MYO5C: variants seen among roughly 807,000 people sequenced by gnomAD.
MYO5C encodes myosin VC, also known as unconventional myosin-Vc.
In MYO5C, 194 loss-of-function variants were observed where a neutral mutation model predicts 235.7. The ratio of observed to expected loss-of-function variants is 0.82; its 90% CI spans 0.73 to 0.93. The LOEUF (loss-of-function observed/expected upper bound fraction) is 0.93, where lower values mean the gene tolerates loss of function less well. MYO5C is among the 40% of genes least tolerant of loss of function. The probability of loss-of-function intolerance (pLI) is 0.00; values close to 1 mark genes in which losing one functional copy is unlikely to be tolerated. For synonymous variants in MYO5C, 707 were observed against 754.8 expected (o/e 0.94, Z 1.04); for missense variants, 2,038 against 2,127.2 (o/e 0.96, Z 0.82).
At chr15:52,245,094 G>A (rs1244060619) in intron 18 of MYO5C, among the ~76,000 whole-genome samples, 1 of 152,192 alleles carries the variant, frequency 6.6e-6, no homozygotes, top group African/African-American at 2.4e-5. Context: ...CAGAGGACTG[G>A]GTTAGATCGT....
intron 25 of MYO5C, among the ~76,000 whole-genome samples, chr15:52,228,176 G>A (rs1358273145): frequency 6.6e-6 from 1 of 151,494 alleles, no homozygotes; most frequent in Non-Finnish European, 1.5e-5. Flanking sequence ...CGGAGTCTCG[G>A]TCTGTCACCC....
chr15:52,271,025 G>A (rs72734954), intron 7 of MYO5C, among the ~76,000 whole-genome samples: 41 of 152,170 alleles, frequency 2.7e-4, no homozygotes, highest in Non-Finnish European at 5.3e-4. Flanking sequence ...AGCCATCTCT[G>A]GAATATAATT....
intron 35 of MYO5C, among the ~76,000 whole-genome samples, chr15:52,209,461 G>T (rs542580728): frequency 6.6e-6 from 1 of 152,254 alleles, no homozygotes; most frequent in African/African-American, 2.4e-5. Flanking sequence ...GCTGAAGAGG[G>T]TATATGGGCA....
chr15:52,249,213 G>A (rs1476246298), intron 13 of MYO5C, among the ~76,000 whole-genome samples: 2 of 152,160 alleles, frequency 1.3e-5, no homozygotes, highest in African/African-American at 4.8e-5. Flanking sequence ...TAGAAAAACC[G>A]ACCAGCTGAC....
At position 52,271,936 on chromosome 15, in the gene MYO5C, C is replaced by T. The variant is rs1044748818; in HGVS notation, c.751-92G>A. On this transcript the variant is annotated intron_variant, in intron 6 of 40. Coordinates refer to ENST00000261839, the MANE Select transcript of MYO5C (RefSeq NM_018728.4). ...ACTAGAGGGTCCTAGATATCTAATC[C>T]GCATGGATAATTCTCTGTCTGGGAT... The T allele has an allele frequency of 2.9e-5, 19 of 666,186 alleles. 1 individual carries two copies. The highest frequency in any genetic ancestry group is 5.4e-5 in the African/African-American group (3 of 55,096). The allele number at this position is 666,186 out of a possible 1,614,324, so 41.3% of individuals were successfully genotyped here. A position where few individuals can be genotyped will look rare whatever the true frequency, so the allele number is the denominator to read the frequency against.
intron 11 of MYO5C, among the ~76,000 whole-genome samples, chr15:52,256,147 G>A (rs1001991509): frequency 6.6e-5 from 10 of 152,172 alleles, no homozygotes; most frequent in African/African-American, 2.4e-4. Context: ...ATAATTCCAT[G>A]TGACAGGCCT....
At chr15:52,194,658 G>T (rs1157603948) in intron 40 of MYO5C, among the ~76,000 whole-genome samples, 1 of 151,628 alleles carries the variant, frequency 6.6e-6, no homozygotes, top group African/African-American at 2.4e-5. Context: ...GTGAGAAGTG[G>T]TATTTTCTAT....
intron 13 of MYO5C, among the ~76,000 whole-genome samples, chr15:52,249,738 G>C (rs2036432763): frequency 6.6e-6 from 1 of 152,214 alleles, no homozygotes; most frequent in Admixed American, 6.5e-5. Context: ...AGCTTTCCTG[G>C]TCTGGGCGAG....
intron 1 of MYO5C, among the ~76,000 whole-genome samples, chr15:52,291,050 G>A (rs1278118476): frequency 6.6e-6 from 1 of 152,180 alleles, no homozygotes; most frequent in Non-Finnish European, 1.5e-5. Flanking sequence ...CTTGCCTGGT[G>A]TCACCCAGTT....
intron 36 of MYO5C, among the ~76,000 whole-genome samples, chr15:52,206,628 A>G (rs185001316): frequency 6.6e-6 from 1 of 152,268 alleles, no homozygotes; most frequent in Admixed American, 6.5e-5. Context: ...GGATGGAGAA[A>G]GTGGCTGTCA....
Position 52,282,993 on chromosome 15 carries a change from C to T in MYO5C, c.28-101G>A, listed in dbSNP as rs921689597. The T allele has an allele frequency of 2.1e-4, 162 of 754,298 alleles. No individual in the cohort carries two copies. The East Asian group carries it at 3.8e-3, about 18-fold the overall frequency. The allele number at this position is 754,298 out of a possible 1,614,324, so 46.7% of individuals were successfully genotyped here. On this transcript the variant is annotated intron_variant, in intron 1 of 40. Coordinates refer to ENST00000261839, the MANE Select transcript of MYO5C (RefSeq NM_018728.4). ...GGTTTCTTTCTGTGCACTAGGTCAG[C>T]TCCTTCATGAGGAATACGTCTACCT...
chr15:52,253,454 C>A lies in MYO5C; in HGVS notation c.1399G>T (p.Val467Phe). 1 of 1,611,642 alleles carries A rather than the reference C, an allele frequency of 6.2e-7. No homozygotes were observed. The highest frequency in any genetic ancestry group is 8.5e-7 in the Non-Finnish European group (1 of 1,179,354). Residue 467 changes from valine to phenylalanine, a missense_variant, in exon 12 of 41, where the codon GTC (valine) becomes TTC (phenylalanine). Transcript: ENST00000261839. Reference protein sequence around the residue: ...EKLQQQFNMHVFKLEQEEYMK... With the variant: ...EKLQQQFNMHFFKLEQEEYMK... ...TATTCTTCTTGTTCCAGTTTGAAGA[C>A]ATGCTGGGAATCCAAAGTTAATACA...
rs1566971592 is a variant in MYO5C at position 52,232,258 on chromosome 15, AAGGAAGGAGAGAAG to A, written c.3026+350_3026+363del. 3.2e-3 allele frequency among the ~76,000 whole-genome samples: 479 copies of A among 149,208 alleles called. 152 individuals are homozygous for A. The highest frequency in any genetic ancestry group is 0.012 in the African/African-American group (467 of 40,338). ...GAAAGAAAGAAGGAAGGAGAGAAGG[AAGGAAGGAGAGAAG>A]GAAGGAAGGAGAGAAGGAAGGAAGG... On this transcript the variant is annotated intron_variant, in intron 24 of 40. Transcript: ENST00000261839.
intron 8 of MYO5C, among the ~76,000 whole-genome samples, chr15:52,268,146 C>A (rs897403088): frequency 1.3e-5 from 2 of 152,194 alleles, no homozygotes; most frequent in Admixed American, 1.3e-4. Flanking sequence ...CTTGCCTATT[C>A]CTTGGATATG....
At chr15:52,205,195 G>A (rs754602431) in intron 37 of MYO5C, 48 bp from the exon 38 acceptor site, 15 of 1,589,942 alleles carry the variant, frequency 9.4e-6, no homozygotes, top group Non-Finnish European at 1.2e-5. Flanking sequence ...AGACACACGC[G>A]GAACGTTCCC....
At position 52,272,475 on chromosome 15, in the gene MYO5C, T is replaced by G. The variant is rs145448922; in HGVS notation, c.750+105A>C. On this transcript the variant is annotated intron_variant, in intron 6 of 40. Coordinates refer to ENST00000261839, the MANE Select transcript of MYO5C (RefSeq NM_018728.4). Reference sequence around the variant, plus strand: ...CTGCAAATGAAAGACAAGAAAACCCTACTCTTCAACTCACAGCATAGTGTA... The same window carrying G: ...CTGCAAATGAAAGACAAGAAAACCCGACTCTTCAACTCACAGCATAGTGTA... 9.9e-6 allele frequency: 11 copies of G among 1,107,418 alleles called. No homozygotes were observed. In the African/African-American group the frequency reaches 1.6e-4, roughly 16 times the overall value. 68.6% of individuals were successfully genotyped at this position (1,107,418 alleles called of 1,614,324 possible).
chr15:52,284,537 G>A (rs545914852), intron 1 of MYO5C, among the ~76,000 whole-genome samples: 5 of 152,230 alleles, frequency 3.3e-5, no homozygotes, highest in East Asian at 1.9e-4. Flanking sequence ...TTACATAGGG[G>A]CTAAGCACTT....
At position 52,219,734 on chromosome 15, in the gene MYO5C, G is replaced by A. The variant is rs752817170; in HGVS notation, c.3785+25C>T. The A allele has an allele frequency of 3.8e-6, 6 of 1,574,576 alleles. No homozygotes were observed. The Admixed American group carries it at 8.4e-5, about 22-fold the overall frequency. On this transcript the variant is annotated intron_variant, in intron 31 of 40. Transcript: ENST00000261839. Reference sequence around the variant, plus strand: ...AAAAGCATTACACGAGCATGAACTTGAGGTACACACATATTTACACTTACT... The same window carrying A: ...AAAAGCATTACACGAGCATGAACTTAAGGTACACACATATTTACACTTACT...
intron 4 of MYO5C, among the ~76,000 whole-genome samples, chr15:52,276,590 G>A (rs1392185926): frequency 1.3e-5 from 2 of 152,148 alleles, no homozygotes; most frequent in Non-Finnish European, 2.9e-5. Flanking sequence ...GAAATGTCAG[G>A]AACCGTCATG....
Sources: gnomAD v4.1 joint callset for allele counts (sites outside exome capture counted in the v4.1 genomes callset) on GRCh38, gnomAD v4.1.1 for gene constraint, MANE v1.5 for transcripts, NCBI Gene and HGNC (gene_info 2026-07-23, HGNC 2026-07-21) for gene names.